The following MBD5 variants were observed in gnomAD, a reference collection of about 807,000 sequenced individuals.
MBD5 encodes the protein methyl-CpG binding domain protein 5, also known as methyl-CpG-binding domain protein 5.
In MBD5, 13 loss-of-function variants were observed where a neutral mutation model predicts 117.3. The observed-to-expected ratio is 0.11, with a 90% CI of 0.07 to 0.18. The LOEUF (loss-of-function observed/expected upper bound fraction) is 0.18, where lower values mean the gene tolerates loss of function less well. Among genes scored for constraint, MBD5 ranks in the 10% least tolerant of loss-of-function variants. The probability of loss-of-function intolerance (pLI) is 1.00; values close to 1 mark genes in which losing one functional copy is unlikely to be tolerated. For missense variants in MBD5, 1,879 were observed against 2,093.8 expected (o/e 0.90, Z 2.00); for synonymous variants, 727 against 766.4 (o/e 0.95, Z 0.85).
chr2:148,138,573 A>T, intron 1 of MBD5, among the ~76,000 whole-genome samples: 1 of 152,216 alleles, frequency 6.6e-6, no homozygotes, highest in Non-Finnish European at 1.5e-5. Context: ...ATTTATAGGA[A>T]TCATTATAGA....
chr2:148,137,585 C>G (rs1697201374), intron 1 of MBD5, among the ~76,000 whole-genome samples: 1 of 152,156 alleles, frequency 6.6e-6, no homozygotes, highest in African/African-American at 2.4e-5. Flanking sequence ...CATAGAGAGA[C>G]ACTGTCTCAG....
At chr2:148,062,323 T>A (rs1017110735) in intron 1 of MBD5, 1 of 151,900 alleles carries the variant, frequency 6.6e-6, no homozygotes, top group East Asian at 1.9e-4. Flanking sequence ...CTACAAGGTT[T>A]CTACTTTCAA....
At chr2:148,148,250 G>A (rs189812554) in intron 1 of MBD5, among the ~76,000 whole-genome samples, 3 of 152,248 alleles carry the variant, frequency 2.0e-5, no homozygotes, top group Non-Finnish European at 4.4e-5. Flanking sequence ...GGACATTTGG[G>A]AACTCCTAAA....
At chr2:148,492,320 A>G (rs1206942306) in intron 11 of MBD5, among the ~76,000 whole-genome samples, 1 of 152,060 alleles carries the variant, frequency 6.6e-6, no homozygotes, top group African/African-American at 2.4e-5. Context: ...AATAGGAAAC[A>G]TAAAACTGTT....
chr2:148,461,900 C>G (rs1707094368), intron 5 of MBD5, among the ~76,000 whole-genome samples: 2 of 152,188 alleles, frequency 1.3e-5, no homozygotes, highest in African/African-American at 2.4e-5. Flanking sequence ...AGGCACATTT[C>G]TGCTGCCTAA....
At chr2:148,290,247 C>T (rs1463968035) in intron 3 of MBD5, among the ~76,000 whole-genome samples, 5 of 150,018 alleles carry the variant, frequency 3.3e-5, no homozygotes, top group African/African-American at 9.9e-5. Flanking sequence ...CGTGAGTCAC[C>T]GCACCCAGCC....
rs1450561160 is a variant in MBD5, at chr2:148,483,646, C to G, written c.3055C>G (p.Gln1019Glu). The change falls in exon 9 of 14, where the codon CAA becomes GAA. Residue 1019 changes from glutamine (Q) to glutamate (E), a missense_variant. Transcript: ENST00000642680. ...NLTISDLLQQ[Q>E]NTPLPSLTQM... ...GACCATCTCAGATCTTTTGCAACAG[C>G]AAAATACCCCTTTACCCTCATTAAC... is the stretch of plus-strand genomic sequence containing the variant. 6.4e-7 allele frequency: 1 copy of G among 1,551,084 alleles called. No individual in the cohort carries two copies. The highest frequency in any genetic ancestry group is 8.7e-7 in the Non-Finnish European group (1 of 1,147,130).
rs1462563329 is a variant in MBD5 at position 148,417,865 on chromosome 2, A to G, written c.-556-40338A>G. On this transcript the variant is annotated intron_variant, in intron 4 of 13. Transcript: ENST00000642680. ...TGTTTGTTTGTTTGTTTTGAGACAGAGCCTCACACTGTTACCCATTCTGGA... is the reference window on the plus strand; with the variant it reads ...TGTTTGTTTGTTTGTTTTGAGACAGGGCCTCACACTGTTACCCATTCTGGA... 2.0e-5 allele frequency among the ~76,000 whole-genome samples: 3 copies of G among 151,790 alleles called. No individual in the cohort carries two copies. The East Asian group carries it at 5.8e-4, about 29-fold the overall frequency.
At chr2:148,451,495 T>C (rs887875359) in intron 4 of MBD5, among the ~76,000 whole-genome samples, 2 of 151,970 alleles carry the variant, frequency 1.3e-5, no homozygotes, top group Non-Finnish European at 2.9e-5. Context: ...ATAATTGATA[T>C]GAGGGTGAAA....
At chr2:148,228,504 T>A (rs887976902) in intron 2 of MBD5, among the ~76,000 whole-genome samples, 3 of 152,198 alleles carry the variant, frequency 2.0e-5, no homozygotes, top group African/African-American at 7.2e-5. Flanking sequence ...GTTGCTGGAT[T>A]TGGTTTGCCA....
rs56200529 is a variant in MBD5, at chr2:148,468,055, C to T, written c.398-286C>T. ...ATGTCATTATGTATTGCTTTAGATG[C>T]CCATGCTTTCTCAACAGATAAAGAG... On this transcript the variant is annotated intron_variant, in intron 7 of 13. Coordinates refer to ENST00000642680, the MANE Select transcript of MBD5 (RefSeq NM_001378120.1). Among the ~76,000 whole-genome samples the T allele has an allele frequency of 0.072, 10,965 of 152,084 alleles. 603 individuals carry two copies. The highest frequency in any genetic ancestry group is 0.1 in the Non-Finnish European group (6,817 of 67,982).
intron 1 of MBD5, among the ~76,000 whole-genome samples, chr2:148,142,469 A>G (rs1405990070): frequency 6.6e-6 from 1 of 152,230 alleles, no homozygotes; most frequent in South Asian, 2.1e-4. Flanking sequence ...ATTTTATTAC[A>G]TAGAATTCTA....
intron 12 of MBD5, among the ~76,000 whole-genome samples, chr2:148,503,640 G>A (rs943009024): frequency 2.0e-5 from 3 of 152,066 alleles, no homozygotes; most frequent in Admixed American, 6.6e-5. Flanking sequence ...TCTATGTCCC[G>A]GACTCCTTTA....
chr2:148,146,376 G>A (rs1460771358), intron 1 of MBD5, among the ~76,000 whole-genome samples: 1 of 151,796 alleles, frequency 6.6e-6, no homozygotes. Context: ...CTCTCTATAG[G>A]TGTGCACCAC....
At chr2:148,454,702 T>C (rs1474920929) in intron 4 of MBD5, among the ~76,000 whole-genome samples, 2 of 152,182 alleles carry the variant, frequency 1.3e-5, no homozygotes, top group Non-Finnish European at 2.9e-5. Flanking sequence ...TCATCTGTAA[T>C]GTTTTCATCT....
At chr2:148,297,569 C>A in intron 3 of MBD5, among the ~76,000 whole-genome samples, 1 of 152,166 alleles carries the variant, frequency 6.6e-6, no homozygotes, top group East Asian at 1.9e-4. Flanking sequence ...CTGCTGTAGT[C>A]TGTTCCAATT....
rs1407656204 is a variant in MBD5, at chr2:148,021,670, TG to T, written c.-933del. ...CAGCTCCAGGGAAGGCACTCAAAAG[TG>T]GGGGGCAGGAAAGGTAAGTGTGTCT... On this transcript the variant is annotated 5_prime_UTR_variant, in exon 1 of 14. Coordinates refer to ENST00000642680, the MANE Select transcript of MBD5 (RefSeq NM_001378120.1). 4 of 385,158 alleles carry T rather than the reference TG, an allele frequency of 1.0e-5. No individual in the cohort carries two copies. The highest frequency in any genetic ancestry group is 2.0e-5 in the South Asian group (1 of 49,488). The allele number at this position is 385,158 out of a possible 1,614,324, so 23.9% of individuals were successfully genotyped here. A position where few individuals can be genotyped will look rare whatever the true frequency, so the allele number is the denominator to read the frequency against.
rs752479347 is a variant in MBD5, at chr2:148,469,375, G to A, written c.1432G>A (p.Gly478Arg). The A allele has an allele frequency of 6.8e-6, 11 of 1,613,610 alleles. 1 individual carries two copies. In the South Asian group the frequency reaches 1.2e-4, roughly 18 times the overall value. ...TGGAAATTTCATGATGCCACCTGTAGGACCCCAGGCCACTTCTAGTGGTAT... is the reference window on the plus strand; with the variant it reads ...TGGAAATTTCATGATGCCACCTGTAAGACCCCAGGCCACTTCTAGTGGTAT... ...DHGNFMMPPVGPQATSSGIKV... is the reference protein window; with the variant it reads ...DHGNFMMPPVRPQATSSGIKV... Residue 478 changes from glycine to arginine, a missense_variant, in exon 8 of 14, where the codon GGA (glycine) becomes AGA (arginine). Coordinates refer to ENST00000642680, the MANE Select transcript of MBD5 (RefSeq NM_001378120.1).
At chr2:148,426,271 T>G (rs1390549270) in intron 4 of MBD5, among the ~76,000 whole-genome samples, 1 of 152,192 alleles carries the variant, frequency 6.6e-6, no homozygotes, top group Non-Finnish European at 1.5e-5. Flanking sequence ...AAGCTACCAA[T>G]GACTTTCTTC....
Sources: allele counts gnomAD v4.1 joint callset (sites outside exome capture counted in the v4.1 genomes callset), GRCh38; gene constraint gnomAD v4.1.1; transcripts MANE v1.5; gene names NCBI Gene and HGNC (gene_info 2026-07-23, HGNC 2026-07-21).